The following MKLN1 variants were observed in gnomAD, a reference collection of about 807,000 sequenced individuals.
MKLN1 encodes muskelin.
A neutral mutation model predicts 99.0 loss-of-function variants in MKLN1; 18 were observed. The observed-to-expected ratio is 0.18, with a 90% CI of 0.13 to 0.27. MKLN1 has a LOEUF of 0.27. Among genes scored for constraint, MKLN1 ranks in the 10% least tolerant of loss-of-function variants. MKLN1 has a pLI of 1.00. For missense variants in MKLN1, 621 were observed against 875.9 expected, an observed-to-expected ratio of 0.71 and a Z score of 3.67; for synonymous variants, 288 against 293.2, an observed-to-expected ratio of 0.98 and a Z score of 0.18.
At chr7:131,403,218 G>A (rs897006699) in intron 6 of MKLN1, among the ~76,000 whole-genome samples, 2 of 152,114 alleles carry the variant, frequency 1.3e-5, no homozygotes, top group Non-Finnish European at 2.9e-5. Context: ...GCTTTACTTT[G>A]CACTTTTATG....
At chr7:131,186,316 C>A (rs1463559635) in intron 2 of MKLN1, among the ~76,000 whole-genome samples, 1 of 152,130 alleles carries the variant, frequency 6.6e-6, no homozygotes, top group African/African-American at 2.4e-5. Context: ...CCAGCCTGGG[C>A]AACATAGCAA....
chr7:131,301,891 C>A (rs902244935), intron 3 of MKLN1, among the ~76,000 whole-genome samples: 2 of 152,190 alleles, frequency 1.3e-5, no homozygotes, highest in African/African-American at 2.4e-5. Flanking sequence ...CCAGCCCCAT[C>A]CTTTGATGCC....
chr7:131,168,321 C>G (rs1372966993), intron 2 of MKLN1, among the ~76,000 whole-genome samples: 2 of 152,126 alleles, frequency 1.3e-5, no homozygotes, highest in Non-Finnish European at 2.9e-5. Flanking sequence ...CTGACTCCTT[C>G]CTCTTTGCCA....
chr7:131,345,519 A>C (rs1563303244), intron 1 of MKLN1, among the ~76,000 whole-genome samples: 1 of 152,132 alleles, frequency 6.6e-6, no homozygotes, highest in South Asian at 2.1e-4. Context: ...AAGTTGGAGA[A>C]TAGCTTGGGT....
At chr7:131,140,560 G>T (rs6467353) in intron 1 of MKLN1, among the ~76,000 whole-genome samples, 105,199 of 151,972 alleles carry the variant, frequency 0.69, 37,096 homozygotes, top group Non-Finnish European at 0.72. Context: ...CTTCTCACTC[G>T]TGCTCTCTCT....
chr7:131,246,567 T>C (rs551820613), intron 3 of MKLN1, among the ~76,000 whole-genome samples: 3 of 152,228 alleles, frequency 2.0e-5, no homozygotes, highest in Admixed American at 6.5e-5. Context: ...TCTTTGCCTT[T>C]TAATTATTGA....
At chr7:131,237,475 G>A (rs1214557311) in intron 3 of MKLN1, among the ~76,000 whole-genome samples, 1 of 152,196 alleles carries the variant, frequency 6.6e-6, no homozygotes, top group Non-Finnish European at 1.5e-5. Context: ...ATATTAGGAT[G>A]TACGTTAGAG....
At chr7:131,340,359 C>T (rs547790385) in intron 1 of MKLN1, among the ~76,000 whole-genome samples, 54 of 132,150 alleles carry the variant, frequency 4.1e-4, no homozygotes, top group African/African-American at 1.4e-3. Flanking sequence ...CTTACTACAA[C>T]CTCTGCCTCC....
At chr7:131,338,876 C>T (rs1799324841) in intron 1 of MKLN1, among the ~76,000 whole-genome samples, 1 of 152,320 alleles carries the variant, frequency 6.6e-6, no homozygotes, top group Admixed American at 6.5e-5. Context: ...GCTTCTGCCA[C>T]CTTGAGACAG....
intron 3 of MKLN1, among the ~76,000 whole-genome samples, chr7:131,291,874 G>GCGGGAGGATATCTTGAGAC (rs1798223942): frequency 6.6e-6 from 1 of 152,130 alleles, no homozygotes; most frequent in South Asian, 2.1e-4. Flanking sequence ...GGAGGACAAG[G>GCGGGAGGATATCTTGAGAC]CGGGAGGATA....
chr7:131,273,147 A>C (rs1445579802), intron 3 of MKLN1, among the ~76,000 whole-genome samples: 1 of 152,236 alleles, frequency 6.6e-6, no homozygotes, highest in Non-Finnish European at 1.5e-5. Context: ...GCTGGGTACT[A>C]GAAGGCTCAT....
intron 12 of MKLN1, among the ~76,000 whole-genome samples, chr7:131,450,311 G>A (rs946499272): frequency 6.6e-5 from 10 of 152,168 alleles, no homozygotes; most frequent in Admixed American, 2.0e-4. Flanking sequence ...CTACGCACTA[G>A]GAGTACAACT....
intron 3 of MKLN1, among the ~76,000 whole-genome samples, chr7:131,303,247 G>A (rs1047158967): frequency 2.6e-5 from 4 of 152,192 alleles, no homozygotes; most frequent in African/African-American, 9.6e-5. Context: ...ATAGGAAAAC[G>A]GATGAATTCT....
At chr7:131,401,831 T>C (rs1794553745) in intron 6 of MKLN1, among the ~76,000 whole-genome samples, 1 of 152,192 alleles carries the variant, frequency 6.6e-6, no homozygotes, top group Non-Finnish European at 1.5e-5. Context: ...AAAATGCATA[T>C]ACCTTAACTT....
chr7:131,351,025 G>A (rs1033409936), intron 1 of MKLN1, among the ~76,000 whole-genome samples: 6 of 152,198 alleles, frequency 3.9e-5, no homozygotes, highest in African/African-American at 1.4e-4. Flanking sequence ...TAGTGTGTTC[G>A]AATCAGGATC....
intron 3 of MKLN1, among the ~76,000 whole-genome samples, chr7:131,270,830 T>G (rs1797873300): frequency 1.3e-5 from 2 of 151,826 alleles, no homozygotes; most frequent in South Asian, 4.2e-4. Context: ...TATAAATAGC[T>G]TATTTTAAAA....
intron 3 of MKLN1, among the ~76,000 whole-genome samples, chr7:131,284,748 G>A (rs973364702): frequency 2.0e-5 from 3 of 152,174 alleles, no homozygotes; most frequent in African/African-American, 2.4e-5. Flanking sequence ...TTAGGGCAAG[G>A]TGCCTGTCAG....
intron 9 of MKLN1, among the ~76,000 whole-genome samples, chr7:131,433,986 T>G (rs911054521): frequency 6.6e-6 from 1 of 151,528 alleles, no homozygotes; most frequent in Non-Finnish European, 1.5e-5. Context: ...CAGGTTCAAG[T>G]GATTCTCCTA....
chr7:131,141,808 T>A (rs1380291693), intron 1 of MKLN1, among the ~76,000 whole-genome samples: 3 of 152,156 alleles, frequency 2.0e-5, no homozygotes, highest in African/African-American at 7.2e-5. Context: ...CTATCACAGC[T>A]GACTTTCCTG....
Sources: allele counts gnomAD v4.1 joint callset (sites outside exome capture counted in the v4.1 genomes callset), GRCh38; gene constraint gnomAD v4.1.1; transcripts MANE v1.5; gene names NCBI Gene and HGNC (gene_info 2026-07-23, HGNC 2026-07-21).